The following KCNMA1 variants were observed in gnomAD, a reference collection of about 807,000 sequenced individuals.
KCNMA1 encodes potassium calcium-activated channel subfamily M alpha 1.
A neutral mutation model predicts 140.0 loss-of-function variants in KCNMA1; 29 were observed. The observed-to-expected ratio is 0.21, with a 90% CI of 0.15 to 0.28. The LOEUF is 0.28. KCNMA1 is among the 10% of genes least tolerant of loss of function. The probability of loss-of-function intolerance (pLI) is 1.00; values close to 1 mark genes in which losing one functional copy is unlikely to be tolerated. For synonymous variants in KCNMA1, 612 were observed against 611.9 expected (o/e 1.00, Z 0.00); for missense variants, 880 against 1,602.2 (o/e 0.55, Z 7.70).
intron 23 of KCNMA1, among the ~76,000 whole-genome samples, chr10:76,917,348 A>G (rs962861810): frequency 1.6e-4 from 24 of 152,212 alleles, no homozygotes; most frequent in Non-Finnish European, 5.9e-5. Flanking sequence ...AGCACCCATA[A>G]AGCAGGGAGA....
intron 1 of KCNMA1, among the ~76,000 whole-genome samples, chr10:77,600,321 G>A (rs944091055): frequency 1.3e-5 from 2 of 152,226 alleles, no homozygotes; most frequent in Middle Eastern, 3.2e-3. Flanking sequence ...TAATGGAGGA[G>A]GAGGAGGTGG....
At chr10:77,162,668 CTCT>C (rs1250851054) in intron 5 of KCNMA1, among the ~76,000 whole-genome samples, 1 of 152,112 alleles carries the variant, frequency 6.6e-6, no homozygotes, top group African/African-American at 2.4e-5. Context: ...CCCACTGGTA[CTCT>C]CCAATGGGTA....
At chr10:77,537,475 C>G (rs1028752624) in intron 1 of KCNMA1, among the ~76,000 whole-genome samples, 1 of 152,210 alleles carries the variant, frequency 6.6e-6, no homozygotes, top group African/African-American at 2.4e-5. Flanking sequence ...GAGAAGGGCT[C>G]TTTCAGAGTC....
intron 2 of KCNMA1, among the ~76,000 whole-genome samples, chr10:77,358,592 T>C (rs2093691152): frequency 6.6e-6 from 1 of 152,054 alleles, no homozygotes; most frequent in African/African-American, 2.4e-5. Context: ...CTAACGCCTG[T>C]CCCAGACCAC....
At chr10:77,064,394 A>C (rs1468624231) in intron 14 of KCNMA1, among the ~76,000 whole-genome samples, 1 of 152,224 alleles carries the variant, frequency 6.6e-6, no homozygotes, top group East Asian at 1.9e-4. Context: ...AAGATGGGGA[A>C]AGGAGTTTCA....
intron 1 of KCNMA1, among the ~76,000 whole-genome samples, chr10:77,449,985 T>C (rs1426886179): frequency 4.6e-5 from 7 of 152,056 alleles, no homozygotes; most frequent in African/African-American, 1.7e-4. Flanking sequence ...TGTCTCACTC[T>C]GTCACCCAGG....
chr10:77,184,062 T>TCTCACACA (rs2098825515), intron 4 of KCNMA1, among the ~76,000 whole-genome samples: 1 of 147,912 alleles, frequency 6.8e-6, no homozygotes, highest in Non-Finnish European at 1.5e-5. Context: ...ATGTACGCAT[T>TCTCACACA]CACACACACA....
intron 1 of KCNMA1, among the ~76,000 whole-genome samples, chr10:77,464,769 G>A (rs2097951394): frequency 6.6e-6 from 1 of 152,202 alleles, no homozygotes. Context: ...CCAGACTGGT[G>A]TGAGGACAGG....
At chr10:77,348,108 T>A (rs2092420879) in intron 2 of KCNMA1, among the ~76,000 whole-genome samples, 1 of 152,162 alleles carries the variant, frequency 6.6e-6, no homozygotes, top group Non-Finnish European at 1.5e-5. Context: ...TTCACTAGAA[T>A]CACCGGGATA....
chr10:77,634,259 A>G, intron 1 of KCNMA1: 2 of 985,454 alleles, frequency 2.0e-6, no homozygotes, highest in Non-Finnish European at 2.4e-6. Context: ...ATAATGTGAA[A>G]AAGTACAGCA....
chr10:77,129,617 GA>G (rs952143072), intron 5 of KCNMA1, among the ~76,000 whole-genome samples: 9 of 152,020 alleles, frequency 5.9e-5, no homozygotes, highest in African/African-American at 2.2e-4. Flanking sequence ...GATTTTGGGG[GA>G]AAAGTAGTCT....
At chr10:77,331,666 T>A (rs1008386480) in intron 2 of KCNMA1, among the ~76,000 whole-genome samples, 1 of 129,720 alleles carries the variant, frequency 7.7e-6, no homozygotes, top group South Asian at 2.5e-4. Flanking sequence ...AAAAAAAAAA[T>A]CAGCTGGGTA....
intron 18 of KCNMA1, among the ~76,000 whole-genome samples, chr10:77,002,019 T>A (rs2086646451): frequency 6.6e-6 from 1 of 152,228 alleles, no homozygotes; most frequent in African/African-American, 2.4e-5. Flanking sequence ...AAATGGTTTT[T>A]GCAAGATGCA....
At chr10:77,287,605 G>A (rs2071492120) in intron 2 of KCNMA1, among the ~76,000 whole-genome samples, 1 of 152,170 alleles carries the variant, frequency 6.6e-6, no homozygotes. Context: ...CTATGAAAAA[G>A]TATTTCCAAA....
rs2065787514 is a variant in KCNMA1 at position 76,950,320 on chromosome 10, T to C, written c.2485-954A>G. Reference sequence around the variant, plus strand: ...GAGAAAAGATCTCCCCAAATAATCATTACAAGGGGCTAGAGAGAGATTAGT... The same window carrying C: ...GAGAAAAGATCTCCCCAAATAATCACTACAAGGGGCTAGAGAGAGATTAGT... On this transcript the variant is annotated intron_variant, in intron 21 of 27. Transcript: ENST00000286628. Among the ~76,000 whole-genome samples, 4 of 152,156 alleles carry C rather than the reference T, an allele frequency of 2.6e-5. No homozygotes were observed. In the South Asian group the frequency reaches 8.3e-4, roughly 32 times the overall value.
intron 23 of KCNMA1, among the ~76,000 whole-genome samples, chr10:76,936,717 T>C (rs561948152): frequency 2.0e-4 from 30 of 152,228 alleles, no homozygotes; most frequent in African/African-American, 7.2e-4. Flanking sequence ...AAAGCCAGGC[T>C]TGTAGAAGTG....
intron 1 of KCNMA1, among the ~76,000 whole-genome samples, chr10:77,429,424 A>T (rs188170871): frequency 2.6e-5 from 4 of 152,296 alleles, no homozygotes; most frequent in African/African-American, 9.6e-5. Context: ...GTGACAACTA[A>T]AATGTCTCCC....
intron 19 of KCNMA1, among the ~76,000 whole-genome samples, chr10:76,991,366 T>G (rs1426131333): frequency 6.6e-6 from 1 of 152,256 alleles, no homozygotes; most frequent in African/African-American, 2.4e-5. Context: ...TTTCCAGATC[T>G]TCTTTCCCAT....
chr10:77,322,665 G>A (rs896482961), intron 2 of KCNMA1, among the ~76,000 whole-genome samples: 5 of 152,132 alleles, frequency 3.3e-5, no homozygotes, highest in Non-Finnish European at 5.9e-5. Context: ...AGTAAGGACT[G>A]GCTAAGAGTA....
Sources: allele counts gnomAD v4.1 joint callset (sites outside exome capture counted in the v4.1 genomes callset), GRCh38; gene constraint gnomAD v4.1.1; transcripts MANE v1.5; gene names NCBI Gene and HGNC (gene_info 2026-07-23, HGNC 2026-07-21).